STARD9: variants seen among roughly 807,000 people sequenced by gnomAD.
The protein encoded by STARD9 is StAR related lipid transfer domain containing 9.
A neutral mutation model predicts 399.8 loss-of-function variants in STARD9; 346 were observed. The ratio of observed to expected loss-of-function variants is 0.87; its 90% CI spans 0.79 to 0.95. The LOEUF (loss-of-function observed/expected upper bound fraction) is 0.95. Among genes scored for constraint, STARD9 ranks in the 40% least tolerant of loss-of-function variants. STARD9 has a pLI of 0.00. For missense variants in STARD9, 5,832 were observed against 5,667.5 expected (o/e 1.03, Z -0.93); for synonymous variants, 2,203 against 2,143.5 (o/e 1.03, Z -0.77).
Position 42,689,536 on chromosome 15 carries a change from C to A in STARD9, c.7958C>A (p.Thr2653Lys), listed in dbSNP as rs765280706. 1 of 1,537,256 alleles carries A rather than the reference C, an allele frequency of 6.5e-7. No homozygotes were observed. The highest frequency in any genetic ancestry group is 2.4e-5 in the East Asian group (1 of 40,920). The change falls in exon 23 of 33, where the codon ACG becomes AAG. Residue 2653 changes from threonine to lysine, a missense_variant. Around this residue, in one of 2 missense-constraint regions of STARD9, gnomAD observed 5,828 missense variants for 5,651.1 expected, o/e 1.03. Transcript: ENST00000290607. ...SADSFESLPN[T>K]ETDREPWDPV... is the part of the protein sequence containing the mutation. Reference sequence around the variant, plus strand: ...GACAGCTTTGAATCTCTGCCCAATACGGAAACTGACAGAGAGCCATGGGAT... The same window carrying A: ...GACAGCTTTGAATCTCTGCCCAATAAGGAAACTGACAGAGAGCCATGGGAT...
In STARD9 at chr15:42,695,317, A is replaced by G. The variant is rs2060819103; in HGVS notation, c.13140A>G (p.Leu4380=). The change falls in exon 25 of 33, where the codon CTA becomes CTG. Residue 4380 remains leucine (L), a synonymous_variant. Transcript: ENST00000290607. The part of the protein sequence containing the change: ...LRIHQKIISQ[L]LKEEDKLHTL... ...TCCACCAGAAGATCATTTCCCAGCT[A>G]TTGAAGGTGTGGAGTGGGGCATGCC... The G allele has an allele frequency of 6.5e-7, 1 of 1,532,270 alleles. No individual in the cohort carries two copies. The highest frequency in any genetic ancestry group is 8.7e-7 in the Non-Finnish European group (1 of 1,143,692). The allele number at this position is 1,532,270 out of a possible 1,614,324, so 94.9% of individuals were successfully genotyped here.
At chr15:42,637,284 C>T (rs2059438168) in intron 4 of STARD9, among the ~76,000 whole-genome samples, 1 of 152,250 alleles carries the variant, frequency 6.6e-6, no homozygotes, top group South Asian at 2.1e-4. Flanking sequence ...ACGATCTCAG[C>T]TCATTGCAGC....
chr15:42,631,052 C>G (rs1463737674), intron 3 of STARD9, among the ~76,000 whole-genome samples: 1 of 151,416 alleles, frequency 6.6e-6, no homozygotes, highest in Non-Finnish European at 1.5e-5. Flanking sequence ...GAGCTTGAGC[C>G]CAGGCTAGTC....
intron 1 of STARD9, chr15:42,581,047 C>T (rs1236568117): frequency 1.1e-5 from 6 of 522,524 alleles, no homozygotes; most frequent in Non-Finnish European, 1.8e-5. Flanking sequence ...TCTGTCTTTT[C>T]ACTGTTGATC....
At chr15:42,712,153 G>A (rs67391479) in intron 26 of STARD9, among the ~76,000 whole-genome samples, 7,335 of 23,060 alleles carry the variant, frequency 0.32, 2,156 homozygotes, top group African/African-American at 0.67. Context: ...CCATTTATAT[G>A]TCTTCTTTGG....
chr15:42,711,140 T>G (rs895416600), intron 26 of STARD9, among the ~76,000 whole-genome samples: 1 of 136,578 alleles, frequency 7.3e-6, no homozygotes, highest in Non-Finnish European at 1.6e-5. Flanking sequence ...ACCACATAAC[T>G]TTTTTTTTTT....
At chr15:42,716,585 C>T (rs186066446) in intron 26 of STARD9, 92 bp from the exon 27 acceptor site, 2 of 803,856 alleles carry the variant, frequency 2.5e-6, no homozygotes, top group Non-Finnish European at 4.1e-6. Flanking sequence ...GTTGAGTCAT[C>T]CCACTGGAAG....
At chr15:42,587,525 C>G (rs1032047281) in intron 3 of STARD9, among the ~76,000 whole-genome samples, 2 of 152,162 alleles carry the variant, frequency 1.3e-5, no homozygotes, top group African/African-American at 2.4e-5. Context: ...AGGACAGGGG[C>G]AGGTCTAGGC....
At position 42,685,718 on chromosome 15, in the gene STARD9, T is replaced by C; in HGVS notation, c.4140T>C (p.Thr1380=). The C allele has an allele frequency of 2.0e-6, 3 of 1,537,402 alleles. No individual in the cohort carries two copies. Among genetic ancestry groups the C allele is most frequent in the Non-Finnish European group, 2.6e-6 (3 of 1,146,962 alleles). The change falls in exon 23 of 33, where the codon ACT becomes ACC. Residue 1380 remains threonine, a synonymous_variant. Coordinates refer to ENST00000290607, the MANE Select transcript of STARD9 (RefSeq NM_020759.3). ...KGERPGYWPN[T]EELKPSDAET... is the part of the protein sequence containing the mutation. ...AGAGGCCTGGATACTGGCCAAATAC[T>C]GAGGAACTAAAGCCATCAGATGCAG...
Position 42,685,418 on chromosome 15 carries a change from G to T in STARD9, c.3840G>T (p.Gln1280His). The T allele has an allele frequency of 1.3e-6, 2 of 1,537,242 alleles. No individual in the cohort carries two copies. Among genetic ancestry groups the T allele is most frequent in the Non-Finnish European group, 1.7e-6 (2 of 1,146,920 alleles). ...PMSSSFYLDP[Q>H]FQPHCELQPH... Reference sequence around the variant, plus strand: ...GCAGTTCGTTTTACCTTGATCCTCAGTTCCAACCCCATTGTGAGCTCCAAC... The same window carrying T: ...GCAGTTCGTTTTACCTTGATCCTCATTTCCAACCCCATTGTGAGCTCCAAC... The change falls in exon 23 of 33, where the codon CAG (glutamine) becomes CAT (histidine). Residue 1280 changes from glutamine to histidine, a missense_variant. By Grantham distance (24) the Gln-to-His change is conservative. Transcript: ENST00000290607.
intron 9 of STARD9, among the ~76,000 whole-genome samples, chr15:42,654,366 C>G (rs1160149884): frequency 1.3e-5 from 2 of 149,876 alleles, no homozygotes; most frequent in Non-Finnish European, 1.5e-5. Flanking sequence ...ATCACAGACA[C>G]AGGTTGAAAG....
intron 26 of STARD9, among the ~76,000 whole-genome samples, chr15:42,703,500 A>T (rs183791634): frequency 6.7e-6 from 1 of 149,074 alleles, no homozygotes; most frequent in East Asian, 2.0e-4. Context: ...AGTAGCTGAG[A>T]TTATAGGCGC....
intron 26 of STARD9, among the ~76,000 whole-genome samples, chr15:42,703,762 A>G (rs2061018742): frequency 6.6e-6 from 1 of 151,806 alleles, no homozygotes; most frequent in Non-Finnish European, 1.5e-5. Flanking sequence ...CTGTATTTTC[A>G]AATATCCTGT....
Position 42,684,345 on chromosome 15 carries a change from A to G in STARD9, c.2767A>G (p.Thr923Ala). Residue 923 changes from threonine to alanine, a missense_variant, in exon 23 of 33, where the codon ACC becomes GCC. Thr to Ala is a moderately conservative substitution (Grantham distance 58). This residue lies in a region of STARD9 where 5,828 missense variants were observed against 5,651.1 expected (regional missense o/e 1.03). Coordinates refer to ENST00000290607, the MANE Select transcript of STARD9 (RefSeq NM_020759.3). Reference protein sequence around the residue: ...KGASAPDACLTMSPNSVGIQE... With the variant: ...KGASAPDACLAMSPNSVGIQE... ...AGCCTCAGCTCCAGACGCTTGCCTCACCATGAGTCCCAACTCTGTTGGCAT... is the reference window on the plus strand; with the variant it reads ...AGCCTCAGCTCCAGACGCTTGCCTCGCCATGAGTCCCAACTCTGTTGGCAT... 1 of 1,536,406 alleles carries G rather than the reference A, an allele frequency of 6.5e-7. No individual in the cohort carries two copies. Among genetic ancestry groups the G allele is most frequent in the Non-Finnish European group, 8.7e-7 (1 of 1,146,388 alleles).
rs1432340583 is a variant in STARD9, at chr15:42,688,056, G to A, written c.6478G>A (p.Glu2160Lys). 5 of 1,537,486 alleles carry A rather than the reference G, an allele frequency of 3.3e-6. No individual in the cohort carries two copies. Residue 2160 changes from glutamate to lysine, a missense_variant, in exon 23 of 33, where the codon GAG becomes AAG. Glu to Lys is a moderately conservative substitution (Grantham distance 56). Around this residue, in one of 2 missense-constraint regions of STARD9, gnomAD observed 5,828 missense variants for 5,651.1 expected, o/e 1.03. Transcript: ENST00000290607. The stretch of plus-strand genomic sequence containing the variant: ...CTTCAGGTCAAGGGAAGGTGTACGA[G>A]AGAGTGAACCTGTGAGAGAGCACAC... ...NPFRSREGVR[E>K]SEPVREHTHP...
chr15:42,688,169 T>C lies in STARD9; in HGVS notation c.6591T>C (p.Ser2197=). ...CTTGCAGAGAGTTCACCAACACTTC[T>C]CTTCACCCACAGAGAATGAAAGCAT... ...HTTCREFTNT[S]LHPQRMKALA... is the part of the protein sequence containing the mutation. Residue 2197 remains serine (S), a synonymous_variant, in exon 23 of 33, where the codon TCT becomes TCC. Transcript: ENST00000290607. 1 of 1,537,474 alleles carries C rather than the reference T, an allele frequency of 6.5e-7. No homozygotes were observed. The highest frequency in any genetic ancestry group is 1.7e-4 in the Middle Eastern group (1 of 5,990).
At chr15:42,711,272 T>G (rs1442908148) in intron 26 of STARD9, among the ~76,000 whole-genome samples, 1 of 152,114 alleles carries the variant, frequency 6.6e-6, no homozygotes, top group Non-Finnish European at 1.5e-5. Flanking sequence ...CCCAGGTAGC[T>G]GGGATTACAG....
At position 42,684,153 on chromosome 15, in the gene STARD9, C is replaced by T. The variant is rs777017979; in HGVS notation, c.2575C>T (p.Pro859Ser). Residue 859 changes from proline (P) to serine (S), a missense_variant, in exon 23 of 33, where the codon CCT (proline) becomes TCT (serine). Transcript: ENST00000290607. ...LSWDPSTTLP[P>S]RPDPTHQTSE... ...TTGGGATCCCTCTACCACATTGCCA[C>T]CTAGGCCTGACCCTACACACCAAAC... 6.5e-7 allele frequency: 1 copy of T among 1,536,760 alleles called. No homozygotes were observed.
At chr15:42,602,101 A>G (rs1169017122) in intron 3 of STARD9, among the ~76,000 whole-genome samples, 2 of 152,192 alleles carry the variant, frequency 1.3e-5, no homozygotes, top group Non-Finnish European at 2.9e-5. Flanking sequence ...CACCCACCTC[A>G]GCCTCCCAAA....
Sources: allele counts gnomAD v4.1 joint callset (sites outside exome capture counted in the v4.1 genomes callset), GRCh38; gene constraint gnomAD v4.1.1; regional missense constraint gnomAD v4.1.1; transcripts MANE v1.5; gene names NCBI Gene and HGNC (gene_info 2026-07-23, HGNC 2026-07-21).